Variants in PPP1R17 observed in about 807,000 individuals in gnomAD.
PPP1R17 encodes G-substrate.
A neutral mutation model predicts 15.9 loss-of-function variants in PPP1R17; 12 were observed. The ratio of observed to expected loss-of-function variants is 0.75; its 90% CI spans 0.48 to 1.22. The LOEUF is 1.22. Ranked by LOEUF, PPP1R17 falls within the 50% of genes most tolerant of loss-of-function variation. The pLI, the probability that PPP1R17 is intolerant of heterozygous loss-of-function variation, is 0.00. For synonymous variants in PPP1R17, 63 were observed against 64.5 expected, an observed-to-expected ratio of 0.98 and a Z score of 0.11; for missense variants, 211 against 187.3, an observed-to-expected ratio of 1.13 and a Z score of -0.74.
intron 4 of PPP1R17, among the ~76,000 whole-genome samples, chr7:31,703,523 A>C (rs1355560792): frequency 6.6e-6 from 1 of 152,254 alleles, no homozygotes; most frequent in African/African-American, 2.4e-5. Flanking sequence ...CTATATCATA[A>C]GTAAGTGCAA....
intron 4 of PPP1R17, among the ~76,000 whole-genome samples, chr7:31,698,348 CTCT>C (rs1792699089): frequency 6.6e-6 from 1 of 152,270 alleles, no homozygotes; most frequent in East Asian, 1.9e-4. Context: ...GTTCCTCCAC[CTCT>C]TCTTCTCTTC....
chr7:31,693,900 T>C (rs1792461122), intron 2 of PPP1R17, among the ~76,000 whole-genome samples: 2 of 152,214 alleles, frequency 1.3e-5, no homozygotes, highest in African/African-American at 2.4e-5. Context: ...TCCATACTTA[T>C]TCATATCTGT....
chr7:31,699,726 A>G (rs1218650694), intron 4 of PPP1R17, among the ~76,000 whole-genome samples: 4 of 151,662 alleles, frequency 2.6e-5, no homozygotes, highest in Admixed American at 6.6e-5. Context: ...TTTCAATAGC[A>G]TGTGTTAACT....
chr7:31,690,845 CT>C lies in PPP1R17; in HGVS notation c.-36-1560del, dbSNP rs61511961. Among the ~76,000 whole-genome samples, 29 of 152,216 alleles carry C rather than the reference CT, an allele frequency of 1.9e-4. No homozygotes were observed. In the East Asian group the frequency reaches 5.4e-3, roughly 28 times the overall value. On this transcript the variant is annotated intron_variant, in intron 1 of 4. Coordinates refer to ENST00000342032, the MANE Select transcript of PPP1R17 (RefSeq NM_006658.5). ...GTATGTCATTTCAACATTTTTGAGC[CT>C]CAGTTTCTTCTTCTGAGGAATGAAT... is the stretch of plus-strand genomic sequence containing the variant.
chr7:31,701,005 C>G (rs933179797), intron 4 of PPP1R17, among the ~76,000 whole-genome samples: 3 of 152,172 alleles, frequency 2.0e-5, no homozygotes, highest in Admixed American at 6.5e-5. Flanking sequence ...TGTTTTCATG[C>G]CTGCTAATGT....
At chr7:31,696,382 C>T (rs1385641199) in intron 3 of PPP1R17, among the ~76,000 whole-genome samples, 4 of 152,066 alleles carry the variant, frequency 2.6e-5, no homozygotes, top group Admixed American at 2.6e-4. Context: ...TAAGAAGTGA[C>T]ATCATAAGGG....
At chr7:31,697,164 T>C (rs1259080972) in intron 4 of PPP1R17, 47 bp downstream of exon 4, 18 of 1,596,278 alleles carry the variant, frequency 1.1e-5, no homozygotes, top group Non-Finnish European at 1.5e-5. Context: ...TGGGGACAGG[T>C]CAAGAACCTT....
chr7:31,687,372 C>T (rs1450467537), intron 1 of PPP1R17, 66 bp downstream of exon 1: 2 of 152,318 alleles, frequency 1.3e-5, no homozygotes, highest in Admixed American at 6.5e-5. Context: ...CAGTCAGTTA[C>T]TGGGACAAAG....
chr7:31,690,047 G>C (rs543418614), intron 1 of PPP1R17, among the ~76,000 whole-genome samples: 3 of 152,162 alleles, frequency 2.0e-5, no homozygotes, highest in Non-Finnish European at 2.9e-5. Flanking sequence ...CCTTGTCCAG[G>C]GGCCTCTGAC....
chr7:31,702,721 A>C (rs1792904845), intron 4 of PPP1R17, among the ~76,000 whole-genome samples: 1 of 152,162 alleles, frequency 6.6e-6, no homozygotes, highest in Non-Finnish European at 1.5e-5. Flanking sequence ...ACTGGCTGTG[A>C]CTGCCTTATG....
At chr7:31,700,796 A>G (rs1447928204) in intron 4 of PPP1R17, among the ~76,000 whole-genome samples, 1 of 152,132 alleles carries the variant, frequency 6.6e-6, no homozygotes, top group East Asian at 1.9e-4. Context: ...TGTTAAATTG[A>G]AGCTGCCTGT....
intron 2 of PPP1R17, among the ~76,000 whole-genome samples, chr7:31,693,465 G>A (rs57341366): frequency 1.5e-4 from 23 of 152,318 alleles, no homozygotes; most frequent in African/African-American, 4.1e-4. Flanking sequence ...CCAAGAGGCT[G>A]GGTTTAATCC....
intron 2 of PPP1R17, among the ~76,000 whole-genome samples, chr7:31,695,199 T>G (rs1483493897): frequency 6.6e-6 from 1 of 152,196 alleles, no homozygotes. Flanking sequence ...CCGGACCATA[T>G]TTTTTAAGTT....
chr7:31,702,910 G>A (rs1792914790), intron 4 of PPP1R17, among the ~76,000 whole-genome samples: 1 of 152,156 alleles, frequency 6.6e-6, no homozygotes, highest in African/African-American at 2.4e-5. Flanking sequence ...AGAAGACTTG[G>A]TAGAAAAACA....
At chr7:31,702,407 AG>A (rs538186078) in intron 4 of PPP1R17, among the ~76,000 whole-genome samples, 254 of 152,252 alleles carry the variant, frequency 1.7e-3, no homozygotes, top group Non-Finnish European at 2.9e-3. Flanking sequence ...TGTTTCTCAT[AG>A]GTTAAGTTAA....
rs763469933 is a variant in PPP1R17, at chr7:31,697,087, C to T, written c.358C>T (p.Pro120Ser). The change falls in exon 4 of 5, where the codon CCT becomes TCT. Residue 120 changes from proline (P) to serine (S), a missense_variant. Transcript: ENST00000342032. ...GAAAAAGCCAAGGAGAAAAGACACA[C>T]CTGCCCTGCACATGTCCCCCTTTGC... ...EQKKPRRKDT[P>S]ALHMSPFAAG... The T allele has an allele frequency of 1.1e-5, 17 of 1,613,982 alleles. No individual in the cohort carries two copies. In the East Asian group the frequency reaches 2.2e-4, roughly 21 times the overall value.
At chr7:31,699,998 C>T (rs1461963885) in intron 4 of PPP1R17, among the ~76,000 whole-genome samples, 1 of 152,014 alleles carries the variant, frequency 6.6e-6, no homozygotes, top group African/African-American at 2.4e-5. Flanking sequence ...CCACGAGACA[C>T]AAAGATATTG....
chr7:31,704,722 A>G (rs1792995013), intron 4 of PPP1R17, among the ~76,000 whole-genome samples: 1 of 152,122 alleles, frequency 6.6e-6, no homozygotes, highest in Non-Finnish European at 1.5e-5. Context: ...TTTTTCTCCA[A>G]TTTTACGGGT....
chr7:31,695,557 G>C lies in PPP1R17; in HGVS notation c.171G>C (p.Glu57Asp). Reference sequence around the variant, plus strand: ...ATGTACAGGCCACCCTGAATGTTGAGTCAGACCAAAAAAAACCAAGGAGGA... The same window carrying C: ...ATGTACAGGCCACCCTGAATGTTGACTCAGACCAAAAAAAACCAAGGAGGA... The part of the protein sequence containing the change: ...GKNVQATLNV[E>D]SDQKKPRRKD... Residue 57 changes from glutamate (E) to aspartate (D), a missense_variant, in exon 3 of 5, where the codon GAG becomes GAC. By Grantham distance (45) the Glu-to-Asp change is conservative. Coordinates refer to ENST00000342032, the MANE Select transcript of PPP1R17 (RefSeq NM_006658.5). The C allele has an allele frequency of 1.2e-6, 2 of 1,613,908 alleles. No individual in the cohort carries two copies. Among genetic ancestry groups the C allele is most frequent in the Non-Finnish European group, 1.7e-6 (2 of 1,179,938 alleles).
Sources: allele counts gnomAD v4.1 joint callset (sites outside exome capture counted in the v4.1 genomes callset), GRCh38; gene constraint gnomAD v4.1.1; transcripts MANE v1.5; gene names NCBI Gene and HGNC (gene_info 2026-07-23, HGNC 2026-07-21).